The following MACC1 variants were observed in gnomAD, a reference collection of about 807,000 sequenced individuals.
The protein encoded by MACC1 is metastasis-associated in colon cancer protein 1.
Under a neutral mutation model 70.7 loss-of-function variants are expected in MACC1, and 79 were observed. That is an observed-to-expected ratio of 1.12 (90% CI 0.93 to 1.35). MACC1 has a LOEUF of 1.35. MACC1 is among the 40% of genes most tolerant of loss of function. The pLI, the probability that MACC1 is intolerant of heterozygous loss-of-function variation, is 0.00. For missense variants in MACC1, 1,106 were observed against 978.1 expected (o/e 1.13, Z -1.74); for synonymous variants, 361 against 347.2 (o/e 1.04, Z -0.44).
chr7:20,173,098 A>G (rs1483473937), intron 1 of MACC1, among the ~76,000 whole-genome samples: 1 of 152,238 alleles, frequency 6.6e-6, no homozygotes, highest in Non-Finnish European at 1.5e-5. Flanking sequence ...AAAAATACAG[A>G]TGCCCAGAAA....
At chr7:20,187,665 AG>A (rs1562596628) in intron 1 of MACC1, among the ~76,000 whole-genome samples, 1 of 152,176 alleles carries the variant, frequency 6.6e-6, no homozygotes, top group African/African-American at 2.4e-5. Flanking sequence ...TTGGAACTGA[AG>A]GAAAGCACAC....
Position 20,159,667 on chromosome 7 carries a change from T to C in MACC1, c.694A>G (p.Ile232Val). The change falls in exon 5 of 7, where the codon ATC becomes GTC. Residue 232 changes from isoleucine to valine, a missense_variant. Ile to Val is a conservative substitution (Grantham distance 29). Transcript: ENST00000400331. ...TGACCTTGGGGCACATGAACAGTGA[T>C]GTCTGATTCAGGTAATTGTACTGAC... ...GGSVQLPESD[I>V]TVHVPQGHVA... The C allele has an allele frequency of 3.1e-6, 5 of 1,614,178 alleles. No homozygotes were observed. Among genetic ancestry groups the C allele is most frequent in the East Asian group, 2.2e-5 (1 of 44,884 alleles).
intron 1 of MACC1, among the ~76,000 whole-genome samples, chr7:20,197,058 C>A (rs1021480891): frequency 3.3e-5 from 5 of 152,152 alleles, no homozygotes; most frequent in African/African-American, 1.2e-4. Flanking sequence ...CCAGGTCACC[C>A]CACCAGAACT....
At chr7:20,182,711 T>A (rs1782529329) in intron 1 of MACC1, among the ~76,000 whole-genome samples, 1 of 152,096 alleles carries the variant, frequency 6.6e-6, no homozygotes, top group South Asian at 2.1e-4. Flanking sequence ...AAACACCCAA[T>A]ACCAACAACC....
Position 20,158,061 on chromosome 7 carries a change from C to T in MACC1, c.2157+143G>A, listed in dbSNP as rs552155056. On this transcript the variant is annotated intron_variant, in intron 5 of 6. Coordinates refer to ENST00000400331, the MANE Select transcript of MACC1 (RefSeq NM_182762.4). The stretch of plus-strand genomic sequence containing the variant: ...CAGTTTTATGATCATGTAGGAAAAA[C>T]TATATTTGCTATAAAGTGTCTTTAA... 8.7e-5 allele frequency: 84 copies of T among 963,044 alleles called. No individual in the cohort carries two copies. The African/African-American group carries it at 1.2e-3, about 14-fold the overall frequency. 59.7% of individuals were successfully genotyped at this position (963,044 alleles called of 1,614,324 possible).
chr7:20,146,928 C>T lies in MACC1; in HGVS notation c.2347-5770G>A, dbSNP rs143921288. 8.1e-4 allele frequency among the ~76,000 whole-genome samples: 123 copies of T among 152,194 alleles called. 1 individual carries two copies. The highest frequency in any genetic ancestry group is 1.6e-4 in the Non-Finnish European group (11 of 67,990). Reference sequence around the variant, plus strand: ...TGCAGTTTCATTCTTGAATAGGAAGCGTGAGGCTGATAAAAGCACAAAGTT... The same window carrying T: ...TGCAGTTTCATTCTTGAATAGGAAGTGTGAGGCTGATAAAAGCACAAAGTT... On this transcript the variant is annotated intron_variant, in intron 6 of 6. Coordinates refer to ENST00000400331, the MANE Select transcript of MACC1 (RefSeq NM_182762.4).
intron 1 of MACC1, among the ~76,000 whole-genome samples, chr7:20,203,026 A>C (rs750345385): frequency 1.3e-5 from 2 of 152,140 alleles, no homozygotes; most frequent in Admixed American, 1.3e-4. Context: ...ATTTTTGTCC[A>C]CCACTGTGCT....
intron 1 of MACC1, among the ~76,000 whole-genome samples, chr7:20,210,814 A>G (rs1172884001): frequency 1.3e-5 from 2 of 152,166 alleles, no homozygotes; most frequent in East Asian, 3.8e-4. Context: ...ACATTAATTA[A>G]CTTTCTCAAA....
At chr7:20,151,110 T>C (rs945212244) in intron 6 of MACC1, among the ~76,000 whole-genome samples, 3 of 151,024 alleles carry the variant, frequency 2.0e-5, no homozygotes, top group African/African-American at 7.3e-5. Flanking sequence ...TGAATATGTG[T>C]CCTTATTAAA....
chr7:20,193,400 A>G (rs1480084802), intron 1 of MACC1, among the ~76,000 whole-genome samples: 2 of 152,240 alleles, frequency 1.3e-5, no homozygotes, highest in African/African-American at 4.8e-5. Flanking sequence ...CTGTGATTAC[A>G]GTATAAAAAT....
chr7:20,177,140 A>T (rs1375706138), intron 1 of MACC1, among the ~76,000 whole-genome samples: 2 of 150,292 alleles, frequency 1.3e-5, no homozygotes, highest in African/African-American at 5.0e-5. Context: ...GATGGAAGGT[A>T]TATAGGATTT....
At chr7:20,173,736 A>G (rs913649784) in intron 1 of MACC1, among the ~76,000 whole-genome samples, 12 of 152,168 alleles carry the variant, frequency 7.9e-5, no homozygotes, top group Non-Finnish European at 1.5e-5. Flanking sequence ...GGCCCAACTA[A>G]CCAGTAGTCT....
At chr7:20,187,094 G>A (rs1782600580) in intron 1 of MACC1, among the ~76,000 whole-genome samples, 1 of 152,186 alleles carries the variant, frequency 6.6e-6, no homozygotes, top group African/African-American at 2.4e-5. Context: ...CCAAGCATAA[G>A]TGAAGAAGCA....
At chr7:20,174,436 T>G (rs1463765269) in intron 1 of MACC1, among the ~76,000 whole-genome samples, 1 of 152,138 alleles carries the variant, frequency 6.6e-6, no homozygotes, top group Non-Finnish European at 1.5e-5. Context: ...CCCAGCAAAA[T>G]CAATGTTATA....
chr7:20,187,149 G>T (rs1213451058), intron 1 of MACC1, among the ~76,000 whole-genome samples: 1 of 151,982 alleles, frequency 6.6e-6, no homozygotes, highest in Non-Finnish European at 1.5e-5. Context: ...ACATGTAAAT[G>T]GTAAGACCAT....
chr7:20,207,808 A>G (rs1782934614), intron 1 of MACC1, among the ~76,000 whole-genome samples: 1 of 152,244 alleles, frequency 6.6e-6, no homozygotes, highest in Non-Finnish European at 1.5e-5. Context: ...TCCATTCATA[A>G]TATCTATCAT....
chr7:20,158,237 T>A lies in MACC1; in HGVS notation c.2124A>T (p.Arg708Ser). 1 of 1,593,852 alleles carries A rather than the reference T, an allele frequency of 6.3e-7. No individual in the cohort carries two copies. Among genetic ancestry groups the A allele is most frequent in the Non-Finnish European group, 8.5e-7 (1 of 1,174,158 alleles). ...GTTCATACAGAAACTTCCTTGTATTTCTCTCTGTGTGGCAATCTTCCTTTA... is the reference window on the plus strand; with the variant it reads ...GTTCATACAGAAACTTCCTTGTATTACTCTCTGTGTGGCAATCTTCCTTTA... ...KKLKEDCHTERNTRKFLYELI... is the reference protein window; with the variant it reads ...KKLKEDCHTESNTRKFLYELI... The change falls in exon 5 of 7, where the codon AGA becomes AGT. Residue 708 changes from arginine (R) to serine (S), a missense_variant. By Grantham distance (110) the Arg-to-Ser change is moderately radical. Coordinates refer to ENST00000400331, the MANE Select transcript of MACC1 (RefSeq NM_182762.4).
intron 1 of MACC1, among the ~76,000 whole-genome samples, chr7:20,188,242 C>T (rs533085567): frequency 6.6e-6 from 1 of 152,282 alleles, no homozygotes; most frequent in Non-Finnish European, 1.5e-5. Context: ...CAGAGCCAAA[C>T]GATATCACAG....
chr7:20,149,882 G>T (rs1035045361), intron 6 of MACC1, among the ~76,000 whole-genome samples: 1 of 152,158 alleles, frequency 6.6e-6, no homozygotes, highest in Non-Finnish European at 1.5e-5. Context: ...GTATAATACA[G>T]TGGTTAGGAC....
Sources: gnomAD v4.1 joint callset for allele counts (sites outside exome capture counted in the v4.1 genomes callset) on GRCh38, gnomAD v4.1.1 for gene constraint, MANE v1.5 for transcripts, NCBI Gene and HGNC (gene_info 2026-07-23, HGNC 2026-07-21) for gene names.